ZC3H12B: variants seen among roughly 807,000 people sequenced by gnomAD.
The protein encoded by ZC3H12B is zinc finger CCCH-type containing 12B.
ZC3H12B carries 7 observed loss-of-function variants against 43.9 expected under a neutral mutation model. The observed-to-expected ratio is 0.16, with a 90% confidence interval of 0.09 to 0.30. The LOEUF is 0.30. Ranked by LOEUF, ZC3H12B falls within the 10% of genes least tolerant of loss-of-function variation. The probability of loss-of-function intolerance (pLI) is 1.00; values close to 1 mark genes in which losing one functional copy is unlikely to be tolerated. For missense variants in ZC3H12B, 475 were observed against 670.2 expected (o/e 0.71, Z 3.22); for synonymous variants, 222 against 241.7 (o/e 0.92, Z 0.76).
At chrX:65,477,526 C>T (rs997274711) in intron 3 of ZC3H12B, among the ~76,000 whole-genome samples, 4 of 111,574 alleles carry the variant, frequency 3.6e-5, no homozygotes, top group Admixed American at 9.5e-5. Flanking sequence ...AGGCCGGGCA[C>T]GGTGGCTCAC....
chrX:65,329,451 C>G, the ZC3H12B span, among the ~76,000 whole-genome samples: 2 of 100,524 alleles, frequency 2.0e-5, no homozygotes, highest in African/African-American at 9.9e-5. Context: ...GGATATTAGC[C>G]CTTTGTCAGA....
chrX:65,455,870 C>T (rs1374361964), intron 3 of ZC3H12B, among the ~76,000 whole-genome samples: 3 of 111,511 alleles, frequency 2.7e-5, no homozygotes, highest in Non-Finnish European at 5.6e-5. Flanking sequence ...TCATATCCAG[C>T]CAAACTAAGC....
intron 2 of ZC3H12B, among the ~76,000 whole-genome samples, chrX:65,383,547 G>A (rs1217735471): frequency 3.6e-5 from 4 of 111,426 alleles, no homozygotes; most frequent in African/African-American, 1.3e-4. Context: ...GCTTGGGCAA[G>A]GACTTCATGT....
chrX:65,454,365 C>T (rs975706999), intron 3 of ZC3H12B, among the ~76,000 whole-genome samples: 13 of 112,312 alleles, frequency 1.2e-4, no homozygotes, highest in Non-Finnish European at 3.8e-5. Flanking sequence ...CCTACACCCA[C>T]AGAGCCTCGC....
chrX:65,423,278 G>T (rs892599865), intron 3 of ZC3H12B, among the ~76,000 whole-genome samples: 3 of 111,733 alleles, frequency 2.7e-5, no homozygotes, highest in South Asian at 3.7e-4. Context: ...CATTTGGGTT[G>T]GTTCCAAGTC....
At chrX:65,070,816 G>GTTTTTTTT in the ZC3H12B span, among the ~76,000 whole-genome samples, 24 of 56,042 alleles carry the variant, frequency 4.3e-4, no homozygotes, top group East Asian at 1.2e-3. Context: ...TATGATTTCT[G>GTTTTTTTT]TTTTTTTTTT....
chrX:65,200,076 G>T, the ZC3H12B span, among the ~76,000 whole-genome samples: 1 of 111,205 alleles, frequency 9.0e-6, no homozygotes, highest in African/African-American at 3.3e-5. Flanking sequence ...TCCCACCAAT[G>T]GTGTAAAAGC....
chrX:65,357,168 T>C, the ZC3H12B span: 1 of 436,909 alleles, frequency 2.3e-6, no homozygotes. Context: ...TTTCTTCACC[T>C]CTTTTCATTC....
chrX:65,417,965 C>T (rs1255285747), intron 3 of ZC3H12B, among the ~76,000 whole-genome samples: 1 of 112,505 alleles, frequency 8.9e-6, no homozygotes, highest in African/African-American at 3.2e-5. Flanking sequence ...TATCCATCTA[C>T]TTCATGTCTT....
chrX:65,360,197 A>G, the ZC3H12B span, among the ~76,000 whole-genome samples: 1 of 112,643 alleles, frequency 8.9e-6, no homozygotes, highest in African/African-American at 3.2e-5. Flanking sequence ...CTAAAAAATC[A>G]TGTGAGTCAC....
chrX:65,102,581 A>G, the ZC3H12B span, among the ~76,000 whole-genome samples: 4 of 112,060 alleles, frequency 3.6e-5, no homozygotes, highest in South Asian at 1.5e-3. Flanking sequence ...AAGCATTTCT[A>G]TACACTAATA....
At chrX:65,304,683 C>T in the ZC3H12B span, among the ~76,000 whole-genome samples, 2 of 109,228 alleles carry the variant, frequency 1.8e-5, no homozygotes, top group African/African-American at 6.6e-5. Flanking sequence ...TTAAATCCAA[C>T]CCAGTCATTA....
At chrX:65,336,971 G>A in the ZC3H12B span, among the ~76,000 whole-genome samples, 2 of 112,317 alleles carry the variant, frequency 1.8e-5, no homozygotes, top group African/African-American at 6.5e-5. Context: ...AGCCAAAAGG[G>A]ACTTTACTGA....
the ZC3H12B span, among the ~76,000 whole-genome samples, chrX:65,349,314 C>A: frequency 1.8e-5 from 2 of 111,651 alleles, no homozygotes; most frequent in African/African-American, 6.5e-5. Flanking sequence ...TTCTTTGAAA[C>A]CAATGAGAAC....
intron 2 of ZC3H12B, among the ~76,000 whole-genome samples, chrX:65,385,618 C>T (rs1193140507): frequency 8.9e-6 from 1 of 111,753 alleles, no homozygotes; most frequent in East Asian, 2.8e-4. Flanking sequence ...TTCCTCTTTT[C>T]CTAATTGAAT....
chrX:65,228,972 A>G, the ZC3H12B span, among the ~76,000 whole-genome samples: 3 of 111,853 alleles, frequency 2.7e-5, no homozygotes, highest in Non-Finnish European at 5.6e-5. Context: ...GGTAATTTGT[A>G]GATTCCATGC....
chrX:65,417,680 G>C (rs1004785766), intron 3 of ZC3H12B, among the ~76,000 whole-genome samples: 1 of 112,732 alleles, frequency 8.9e-6, no homozygotes, highest in African/African-American at 3.2e-5. Context: ...AAGCACTCCT[G>C]TCAGCATTTA....
intron 3 of ZC3H12B, among the ~76,000 whole-genome samples, chrX:65,476,264 T>C (rs2067990099): frequency 8.9e-6 from 1 of 111,887 alleles, no homozygotes; most frequent in Non-Finnish European, 1.9e-5. Flanking sequence ...TATACTATCT[T>C]GTAAGTCACG....
At chrX:65,053,343 T>C in the ZC3H12B span, among the ~76,000 whole-genome samples, 3 of 110,496 alleles carry the variant, frequency 2.7e-5, no homozygotes, top group Admixed American at 2.9e-4. Context: ...CACCTATGAG[T>C]GAGAACATGC....
Sources: allele counts gnomAD v4.1 joint callset (sites outside exome capture counted in the v4.1 genomes callset), GRCh38; gene constraint gnomAD v4.1.1; transcripts MANE v1.5; gene names NCBI Gene and HGNC (gene_info 2026-07-23, HGNC 2026-07-21).